The following SETD5 variants were observed in gnomAD, a reference collection of about 807,000 sequenced individuals.
SETD5 encodes histone-lysine N-methyltransferase SETD5.
A neutral mutation model predicts 153.3 loss-of-function variants in SETD5; 44 were observed. That is an observed-to-expected ratio of 0.29 (90% CI 0.23 to 0.37). The LOEUF is 0.37. Ranked by LOEUF, SETD5 falls within the 10% of genes least tolerant of loss-of-function variation. The pLI, the probability that SETD5 is intolerant of heterozygous loss-of-function variation, is 1.00. For missense variants in SETD5, 1,544 were observed against 1,768.0 expected, an observed-to-expected ratio of 0.87 and a Z score of 2.27; for synonymous variants, 716 against 645.2, an observed-to-expected ratio of 1.11 and a Z score of -1.66.
chr3:9,473,619 A>G, intron 20 of SETD5, 82 bp downstream of exon 20: 1 of 1,362,580 alleles, frequency 7.3e-7, no homozygotes. Context: ...TTTTACCTAA[A>G]ATCTATGGGA....
At chr3:9,431,528 C>T (rs1217926861) in intron 3 of SETD5, 1 of 981,402 alleles carries the variant, frequency 1.0e-6, no homozygotes, top group African/African-American at 1.8e-5. Context: ...AAGTGTCTAA[C>T]TGTGTATTCA....
chr3:9,399,167 A>G (rs977093525), intron 1 of SETD5, among the ~76,000 whole-genome samples: 1 of 152,210 alleles, frequency 6.6e-6, no homozygotes, highest in Non-Finnish European at 1.5e-5. Context: ...CCAAGGTCAT[A>G]TTTACATTTC....
intron 1 of SETD5, among the ~76,000 whole-genome samples, chr3:9,419,485 G>A (rs1043513782): frequency 6.6e-6 from 1 of 152,156 alleles, no homozygotes; most frequent in Non-Finnish European, 1.5e-5. Flanking sequence ...AGGATCGCTT[G>A]AGCCCAGGAG....
At chr3:9,398,195 A>C (rs1228417054) in intron 1 of SETD5, 1 of 146,420 alleles carries the variant, frequency 6.8e-6, no homozygotes, top group African/African-American at 2.6e-5. Flanking sequence ...CCTCTAATCT[A>C]GGCGACCCAA....
chr3:9,413,870 C>T (rs766169165), intron 1 of SETD5, among the ~76,000 whole-genome samples: 8 of 151,936 alleles, frequency 5.3e-5, no homozygotes, highest in Non-Finnish European at 7.4e-5. Flanking sequence ...CTCTGCCTCC[C>T]GGGTTCAAGC....
intron 1 of SETD5, among the ~76,000 whole-genome samples, chr3:9,417,145 G>A (rs998961508): frequency 1.3e-5 from 2 of 152,136 alleles, no homozygotes; most frequent in Non-Finnish European, 2.9e-5. Flanking sequence ...TGCTCTAGAA[G>A]GGATAACATC....
In SETD5 at chr3:9,435,911, G is replaced by A. The variant is rs1435023032; in HGVS notation, c.567+5G>A. On this transcript the variant is annotated splice_donor_5th_base_variant and intron_variant, in intron 7 of 22. Coordinates refer to ENST00000402198, the MANE Select transcript of SETD5 (RefSeq NM_001080517.3). ...CCAAAGACGAAGAAAATCAAGGTAT[G>A]CAGGGTAAAAATATCTTAAATAGAA... is the stretch of plus-strand genomic sequence containing the variant. The A allele has an allele frequency of 1.3e-6, 2 of 1,566,570 alleles. No individual in the cohort carries two copies. The highest frequency in any genetic ancestry group is 2.0e-5 in the Admixed American group (1 of 50,982).
At chr3:9,447,351 G>C (rs760942754) in intron 14 of SETD5, 44 bp downstream of exon 14, 5 of 1,571,430 alleles carry the variant, frequency 3.2e-6, no homozygotes, top group Non-Finnish European at 4.3e-6. Context: ...CCTCACCTTT[G>C]CTAATGTCAA....
intron 17 of SETD5, among the ~76,000 whole-genome samples, chr3:9,462,697 C>T (rs1220807620): frequency 6.6e-6 from 1 of 150,586 alleles, no homozygotes; most frequent in African/African-American, 2.4e-5. Flanking sequence ...CACTTGAGGT[C>T]AGGAATTCAA....
intron 13 of SETD5, 74 bp downstream of exon 13, chr3:9,445,814 T>A: frequency 9.4e-7 from 1 of 1,059,764 alleles, no homozygotes; most frequent in South Asian, 2.2e-5. Context: ...TTCTGTTCTC[T>A]TGACTTTGTA....
At chr3:9,439,048 A>T (rs141383765) in intron 7 of SETD5, among the ~76,000 whole-genome samples, 1 of 152,350 alleles carries the variant, frequency 6.6e-6, no homozygotes, top group Non-Finnish European at 1.5e-5. Context: ...TCCAGAATAC[A>T]GTACACTTAT....
intron 10 of SETD5, 82 bp from the exon 11 acceptor site, chr3:9,443,226 G>T (rs1356906503): frequency 3.1e-6 from 3 of 965,064 alleles, no homozygotes; most frequent in Admixed American, 4.1e-5. Flanking sequence ...AACTCCAAAT[G>T]GAGAGAAAGT....
At chr3:9,411,498 G>A (rs1342070932) in intron 1 of SETD5, among the ~76,000 whole-genome samples, 2 of 152,144 alleles carry the variant, frequency 1.3e-5, no homozygotes, top group African/African-American at 4.8e-5. Flanking sequence ...ACTAAATCAA[G>A]ATATACCAAA....
intron 1 of SETD5, among the ~76,000 whole-genome samples, chr3:9,422,461 T>G (rs534694941): frequency 1.8e-4 from 27 of 152,336 alleles, no homozygotes; most frequent in Non-Finnish European, 2.9e-4. Context: ...GAGCAGTTTT[T>G]ATGCTTAGGG....
rs1158608335 is a variant in SETD5 at position 9,466,585 on chromosome 3, T to C, written c.2724+1913T>C. Among the ~76,000 whole-genome samples the C allele has an allele frequency of 3.9e-5, 6 of 152,172 alleles. No individual in the cohort carries two copies. In the East Asian group the frequency reaches 7.7e-4, roughly 20 times the overall value. ...GAAATTTTACCTTTCTCATCAATAA[T>C]AGAACAGATTTCACCACCCTGACCC... is the stretch of plus-strand genomic sequence containing the variant. On this transcript the variant is annotated intron_variant, in intron 18 of 22. Transcript: ENST00000402198.
chr3:9,468,728 C>T (rs2044928893), intron 18 of SETD5, among the ~76,000 whole-genome samples: 1 of 151,874 alleles, frequency 6.6e-6, no homozygotes, highest in African/African-American at 2.4e-5. Context: ...ATGAGTCTTC[C>T]TGTGTGACTG....
rs117205064 is a variant in SETD5, at chr3:9,410,262, T to C, written c.-177+12285T>C. On this transcript the variant is annotated intron_variant, in intron 1 of 22. Transcript: ENST00000402198. ...GAAAATGGAAAAGATAAAGTAAACA[T>C]ACGGTATAAAAGATAAAAAATGGTA... 1.3e-3 allele frequency among the ~76,000 whole-genome samples: 198 copies of C among 152,270 alleles called. 3 individuals are homozygous for C. In the East Asian group the frequency reaches 0.024, roughly 18 times the overall value.
chr3:9,433,067 T>C (rs1022756379), intron 3 of SETD5, among the ~76,000 whole-genome samples: 1 of 152,214 alleles, frequency 6.6e-6, no homozygotes, highest in South Asian at 2.1e-4. Flanking sequence ...GTTTAGTGGT[T>C]GCTGAAATTA....
intron 1 of SETD5, among the ~76,000 whole-genome samples, chr3:9,402,794 T>C (rs2035014967): frequency 6.6e-6 from 1 of 152,236 alleles, no homozygotes; most frequent in Non-Finnish European, 1.5e-5. Context: ...AATCAAGTTT[T>C]TGATTTGTGC....
Sources: allele counts gnomAD v4.1 joint callset (sites outside exome capture counted in the v4.1 genomes callset), GRCh38; gene constraint gnomAD v4.1.1; transcripts MANE v1.5; gene names NCBI Gene and HGNC (gene_info 2026-07-23, HGNC 2026-07-21).